Variants in ZBTB11 observed in about 807,000 individuals in gnomAD.
The protein encoded by ZBTB11 is zinc finger and BTB domain-containing protein 11.
Under a neutral mutation model 113.1 loss-of-function variants are expected in ZBTB11, and 68 were observed. That is an observed-to-expected ratio of 0.60 (90% CI 0.49 to 0.74). The LOEUF is 0.74. Ranked by LOEUF, ZBTB11 falls within the 30% of genes least tolerant of loss-of-function variation. ZBTB11 has a pLI of 0.00. For synonymous variants in ZBTB11, 518 were observed against 452.6 expected (o/e 1.14, Z -1.83); for missense variants, 1,104 against 1,279.4 (o/e 0.86, Z 2.09).
At chr3:101,658,998 G>C (rs1936843856) in intron 6 of ZBTB11, among the ~76,000 whole-genome samples, 1 of 152,148 alleles carries the variant, frequency 6.6e-6, no homozygotes. Flanking sequence ...CAGTACTTTG[G>C]GAGCCTGACG....
intron 7 of ZBTB11, among the ~76,000 whole-genome samples, 194 bp from the exon 8 acceptor site, chr3:101,655,015 C>T (rs1936771360): frequency 1.3e-5 from 2 of 152,014 alleles, no homozygotes; most frequent in Admixed American, 6.6e-5. Context: ...GTAGCTGGGA[C>T]TATAGGCACG....
At chr3:101,676,477 T>G in intron 1 of ZBTB11, 128 bp downstream of exon 1, 3 of 990,720 alleles carry the variant, frequency 3.0e-6, no homozygotes, top group Non-Finnish European at 2.7e-6. Flanking sequence ...CGGCTCCGCC[T>G]GGCAGCAGCT....
chr3:101,670,174 G>A (rs887749881), intron 3 of ZBTB11, among the ~76,000 whole-genome samples: 2 of 152,184 alleles, frequency 1.3e-5, no homozygotes, highest in Admixed American at 6.5e-5. Flanking sequence ...AAGGAAAAAT[G>A]TATCTTCCCA....
In ZBTB11 at chr3:101,671,343, C is replaced by A; in HGVS notation, c.565G>T (p.Val189Leu). The A allele has an allele frequency of 6.2e-7, 1 of 1,614,062 alleles. No homozygotes were observed. Among genetic ancestry groups the A allele is most frequent in the Non-Finnish European group, 8.5e-7 (1 of 1,179,976 alleles). The change falls in exon 3 of 11, where the codon GTA becomes TTA. Residue 189 changes from valine to leucine, a missense_variant. By Grantham distance (32) the Val-to-Leu change is conservative. Transcript: ENST00000312938. ...ELVFVDTKGVVKRSSPKHCQA... is the reference protein window; with the variant it reads ...ELVFVDTKGVLKRSSPKHCQA... ...CAATGTTTTGGAGAAGAACGTTTTA[C>A]CACTCCTTTGGTGTCAACCTGTCAA...
intron 10 of ZBTB11, 76 bp downstream of exon 10, chr3:101,652,420 A>C: frequency 1.1e-5 from 16 of 1,411,612 alleles, no homozygotes; most frequent in African/African-American, 1.4e-5. Context: ...GGAAGGTGAA[A>C]GAGCTGGTAA....
chr3:101,676,788 G>A lies in ZBTB11; in HGVS notation c.127C>T (p.Arg43Cys). ...IRKAAACYVV[R>C]GGTLYYQRRQ... ...CGCTGGTAATACAGAGTCCCGCCGC[G>A]CACCACGTAGCAGGCGGCAGCTTTT... Residue 43 changes from arginine to cysteine, a missense_variant, in exon 1 of 11, where the codon CGC (arginine) becomes TGC (cysteine). Physicochemically the swap from Arg to Cys is radical, Grantham distance 180 (BLOSUM62 -3). Transcript: ENST00000312938. 2 of 1,611,458 alleles carry A rather than the reference G, an allele frequency of 1.2e-6. No individual in the cohort carries two copies. The highest frequency in any genetic ancestry group is 1.7e-6 in the Non-Finnish European group (2 of 1,179,216).
chr3:101,671,518 G>A (rs1937085014), intron 2 of ZBTB11, 157 bp from the exon 3 acceptor site: 1 of 628,156 alleles, frequency 1.6e-6, no homozygotes, highest in Admixed American at 3.0e-5. Flanking sequence ...AAGATATGTT[G>A]TCCTATCCTA....
At chr3:101,655,942 T>C in intron 7 of ZBTB11, 162 bp downstream of exon 7, 1 of 481,222 alleles carries the variant, frequency 2.1e-6, no homozygotes, top group Non-Finnish European at 3.2e-6. Flanking sequence ...ATTACAGGCG[T>C]GAGCCACCGC....
intron 6 of ZBTB11, among the ~76,000 whole-genome samples, chr3:101,657,623 G>A (rs1936821836): frequency 6.6e-6 from 1 of 151,956 alleles, no homozygotes; most frequent in Non-Finnish European, 1.5e-5. Context: ...GTTGAGTGAA[G>A]GGTACATGAG....
intron 2 of ZBTB11, chr3:101,671,676 G>A (rs1937088301): frequency 1.4e-5 from 8 of 574,798 alleles, no homozygotes; most frequent in Admixed American, 1.0e-4. Context: ...ACCTTGGGGC[G>A]TAAACTCAGA....
chr3:101,655,930 G>A (rs915569781), intron 7 of ZBTB11, 174 bp downstream of exon 7: 1 of 373,568 alleles, frequency 2.7e-6, no homozygotes, highest in Admixed American at 5.1e-5. Context: ...AAAGTGCTGG[G>A]GATTACAGGC....
At chr3:101,676,350 G>A in intron 1 of ZBTB11, 1 of 371,470 alleles carries the variant, frequency 2.7e-6, no homozygotes. Flanking sequence ...CCCTCCCCGC[G>A]GCTGGCCCGG....
chr3:101,673,344 G>A (rs1302418201), intron 1 of ZBTB11, among the ~76,000 whole-genome samples: 1 of 152,060 alleles, frequency 6.6e-6, no homozygotes, highest in Non-Finnish European at 1.5e-5. Context: ...GGGATTTTCG[G>A]TATATTATTC....
Position 101,676,671 on chromosome 3 carries a change from G to C in ZBTB11, c.244C>G (p.Pro82Ala). 1 of 1,592,440 alleles carries C rather than the reference G, an allele frequency of 6.3e-7. No homozygotes were observed. The highest frequency in any genetic ancestry group is 8.6e-7 in the Non-Finnish European group (1 of 1,167,966). Residue 82 changes from proline (P) to alanine (A), a missense_variant, in exon 1 of 11, where the codon CCC (proline) becomes GCC (alanine). Transcript: ENST00000312938. ...TGCCGGGTGTGGTGAGTGCCGCCGG[G>C]ACCCAGGTGCGCCGCCTCGATGAGG... ...RDLIEAAHLG[P>A]GGTHHTRHQT... is the part of the protein sequence containing the mutation.
At chr3:101,652,469 G>C in intron 10 of ZBTB11, 27 bp downstream of exon 10, 4 of 1,603,314 alleles carry the variant, frequency 2.5e-6, no homozygotes, top group Non-Finnish European at 3.4e-6. Flanking sequence ...ATTCTATAAG[G>C]ATACATATAA....
At chr3:101,660,338 C>A (rs1051480817) in intron 5 of ZBTB11, among the ~76,000 whole-genome samples, 13 of 152,088 alleles carry the variant, frequency 8.5e-5, no homozygotes, top group African/African-American at 3.1e-4. Context: ...TCAGGTGGAA[C>A]AGGAGTAGGG....
Position 101,665,395 on chromosome 3 carries a change from A to T in ZBTB11, c.1192T>A (p.Ser398Thr), listed in dbSNP as rs1250353291. Residue 398 changes from serine (S) to threonine (T), a missense_variant, in exon 4 of 11, where the codon TCA becomes ACA. Ser to Thr is a moderately conservative substitution (Grantham distance 58, BLOSUM62 1). Coordinates refer to ENST00000312938, the MANE Select transcript of ZBTB11 (RefSeq NM_014415.4). The stretch of plus-strand genomic sequence containing the variant: ...TGGGAATCAGCTATACATCCTACTG[A>T]TGACAGGGCAGATTCAGCCTCTGAA... ...VSSEAESALSSVGCIADSHPE... is the reference protein window; with the variant it reads ...VSSEAESALSTVGCIADSHPE... The T allele has an allele frequency of 6.2e-7, 1 of 1,614,196 alleles. No homozygotes were observed. Among genetic ancestry groups the T allele is most frequent in the Admixed American group, 1.7e-5 (1 of 60,014 alleles).
intron 5 of ZBTB11, among the ~76,000 whole-genome samples, chr3:101,661,188 A>G (rs559037616): frequency 2.0e-5 from 3 of 148,256 alleles, no homozygotes; most frequent in Admixed American, 6.8e-5. Context: ...GAGCTGTGAT[A>G]GTGCCACTGC....
At chr3:101,666,242 A>C (rs1936993683) in intron 3 of ZBTB11, among the ~76,000 whole-genome samples, 1 of 152,236 alleles carries the variant, frequency 6.6e-6, no homozygotes, top group African/African-American at 2.4e-5. Context: ...GGTACATATA[A>C]AAATGTGATT....
Sources: allele counts gnomAD v4.1 joint callset (sites outside exome capture counted in the v4.1 genomes callset), GRCh38; gene constraint gnomAD v4.1.1; transcripts MANE v1.5; gene names NCBI Gene and HGNC (gene_info 2026-07-23, HGNC 2026-07-21).